The following MIA2 variants were observed in gnomAD, a reference collection of about 807,000 sequenced individuals.
MIA2 encodes the protein MIA SH3 domain ER export factor 2, also known as melanoma inhibitory activity protein 2.
A neutral mutation model predicts 167.8 loss-of-function variants in MIA2; 127 were observed. The observed-to-expected ratio is 0.76, with a 90% CI of 0.66 to 0.88. The LOEUF (loss-of-function observed/expected upper bound fraction) is 0.88. MIA2 is among the 40% of genes least tolerant of loss of function. The pLI is 0.00. For synonymous variants in MIA2, 552 were observed against 541.9 expected (o/e 1.02, Z -0.26); for missense variants, 1,690 against 1,624.7 (o/e 1.04, Z -0.69).
chr14:39,333,070 T>A (rs2069316444), intron 25 of MIA2, among the ~76,000 whole-genome samples: 2 of 150,696 alleles, frequency 1.3e-5, no homozygotes, highest in Non-Finnish European at 2.9e-5. Flanking sequence ...ATTATAAGCA[T>A]TTTTTTTAAA....
chr14:39,356,879 T>A (rs2074542158), intron 23 of MIA2, among the ~76,000 whole-genome samples: 1 of 152,250 alleles, frequency 6.6e-6, no homozygotes, highest in Non-Finnish European at 1.5e-5. Context: ...AGTTTCTTAA[T>A]CCTGAGTTCT....
At chr14:39,288,481 T>TTG (rs1335914530) in intron 9 of MIA2, among the ~76,000 whole-genome samples, 9 of 72,104 alleles carry the variant, frequency 1.2e-4, no homozygotes, top group African/African-American at 2.8e-4. Context: ...ATATATTTTT[T>TTG]TTTTTTTTTT....
rs545497417 is a variant in MIA2 at position 39,288,104 on chromosome 14, C to T, written c.2131-2915C>T. The stretch of plus-strand genomic sequence containing the variant: ...CTTCCCAAAGTGTTGGGATTACAGG[C>T]GTGAGCCACCACACCTGGCCAGAAC... On this transcript the variant is annotated intron_variant, in intron 9 of 28. Coordinates refer to ENST00000640607, the MANE Select transcript of MIA2 (RefSeq NM_001329214.4). Among the ~76,000 whole-genome samples, 343 of 152,142 alleles carry T rather than the reference C, an allele frequency of 2.3e-3. 2 individuals carry two copies. Among genetic ancestry groups the T allele is most frequent in the Middle Eastern group, 3.4e-3 (1 of 294 alleles).
chr14:39,351,483 G>T (rs2074379157), downstream of MIA2: 1 of 152,058 alleles, frequency 6.6e-6, no homozygotes, highest in South Asian at 2.1e-4. Context: ...ATTACATTTA[G>T]TGCTTACCGT....
At chr14:39,365,777 C>T (rs1399540772) in intron 23 of MIA2, among the ~76,000 whole-genome samples, 4 of 151,986 alleles carry the variant, frequency 2.6e-5, no homozygotes, top group Non-Finnish European at 5.9e-5. Flanking sequence ...TCTCACTGAG[C>T]TTTAATAACA....
Position 39,350,133 on chromosome 14 carries a change from T to G in MIA2, c.4108T>G (p.Tyr1370Asp), listed in dbSNP as rs757481451. ...CTATCCACCGAGGGGTTTTCCTCCT[T>G]ACCTTCCCCCAAGACCTGGATTTTT... ...NVYPPRGFPP[Y>D]LPPRPGFFPP... The change falls in exon 29 of 29, where the codon TAC becomes GAC. Residue 1370 changes from tyrosine to aspartate, a missense_variant. Tyr to Asp is a radical substitution (Grantham distance 160, BLOSUM62 -3). Transcript: ENST00000640607. 3 of 1,384,368 alleles carry G rather than the reference T, an allele frequency of 2.2e-6. No homozygotes were observed. The East Asian group carries it at 8.0e-5, about 37-fold the overall frequency. The allele number at this position is 1,384,368 out of a possible 1,614,324, so 85.8% of individuals were successfully genotyped here. A position where few individuals can be genotyped will look rare whatever the true frequency, so the allele number is the denominator to read the frequency against.
chr14:39,347,818 C>CTTTT lies in MIA2; in HGVS notation c.3837+67_3837+70dup, dbSNP rs59832680. ...TTGTATGCATGTATTCAGAAGCCTT[C>CTTTT]TTTTTTTTTTTTTTTTTTTTTTTAT... On this transcript the variant is annotated intron_variant, in intron 27 of 28. Coordinates refer to ENST00000640607, the MANE Select transcript of MIA2 (RefSeq NM_001329214.4). The CTTTT allele has an allele frequency of 4.4e-3, 3,112 of 703,624 alleles. 3 individuals are homozygous for CTTTT. The highest frequency in any genetic ancestry group is 1.0e-2 in the South Asian group (459 of 46,026). The allele number at this position is 703,624 out of a possible 1,614,324, so 43.6% of individuals were successfully genotyped here. A position where few individuals can be genotyped will look rare whatever the true frequency, so the allele number is the denominator to read the frequency against.
chr14:39,297,702 T>G (rs562438406), intron 13 of MIA2, among the ~76,000 whole-genome samples: 1 of 152,090 alleles, frequency 6.6e-6, no homozygotes, highest in South Asian at 2.1e-4. Context: ...TGTGTGTTTG[T>G]GTGTGTGAAA....
chr14:39,368,018 C>T (rs1299349188), intron 23 of MIA2, among the ~76,000 whole-genome samples: 1 of 151,946 alleles, frequency 6.6e-6, no homozygotes, highest in Admixed American at 6.6e-5. Context: ...GATTTTTTTC[C>T]TATGGAAACT....
At chr14:39,279,864 A>G (rs748832883) in intron 9 of MIA2, among the ~76,000 whole-genome samples, 2 of 152,090 alleles carry the variant, frequency 1.3e-5, no homozygotes, top group Non-Finnish European at 2.9e-5. Context: ...GTCAGATTGG[A>G]TTAGGGCCCA....
At chr14:39,386,887 G>A (rs553624295) in exon 24 of MIA2, 11 of 814,402 alleles carry the variant, frequency 1.4e-5, no homozygotes, top group African/African-American at 6.8e-5. Flanking sequence ...CTCACCAGGC[G>A]CACGCTCTCC....
At position 39,248,061 on chromosome 14, in the gene MIA2, A is replaced by G. The variant is rs149735010; in HGVS notation, c.1487A>G (p.Glu496Gly). ...CAAAATAATGTAATTGAAAATGAAG[A>G]AACTGGAGAATTTTCCATTGATAAT... The part of the protein sequence containing the change: ...LDQNNVIENE[E>G]TGEFSIDNYP... The change falls in exon 4 of 29, where the codon GAA (glutamate) becomes GGA (glycine). Residue 496 changes from glutamate to glycine, a missense_variant. Coordinates refer to ENST00000640607, the MANE Select transcript of MIA2 (RefSeq NM_001329214.4). 3,169 of 1,565,840 alleles carry G rather than the reference A, an allele frequency of 2.0e-3. 4 individuals are homozygous for G. The highest frequency in any genetic ancestry group is 2.6e-3 in the Non-Finnish European group (3,010 of 1,164,744).
downstream of MIA2, among the ~76,000 whole-genome samples, chr14:39,352,838 C>T (rs2074425422): frequency 6.6e-6 from 1 of 152,092 alleles, no homozygotes. Context: ...AGCTAGTTAA[C>T]ATATATTTTA....
chr14:39,276,935 T>C lies in MIA2; in HGVS notation c.1889T>C (p.Val630Ala). ...AACTTACTTTTCTTTATCTTGAAGG[T>C]TGTGGCAGCACTGCCTGAAGGTATG... The part of the protein sequence containing the change: ...FSPIVILTER[V>A]VAALPEGMRP... Residue 630 changes from valine to alanine, a missense_variant and splice_region_variant, in exon 7 of 29, where the codon GTT becomes GCT. Physicochemically the swap from Val to Ala is moderately conservative, Grantham distance 64. Coordinates refer to ENST00000640607, the MANE Select transcript of MIA2 (RefSeq NM_001329214.4). 1 of 1,609,102 alleles carries C rather than the reference T, an allele frequency of 6.2e-7. No homozygotes were observed. The highest frequency in any genetic ancestry group is 8.5e-7 in the Non-Finnish European group (1 of 1,179,006).
At chr14:39,300,539 C>T (rs536217085) in intron 14 of MIA2, among the ~76,000 whole-genome samples, 8 of 151,012 alleles carry the variant, frequency 5.3e-5, no homozygotes, top group African/African-American at 1.5e-4. Context: ...GTAAAACTAA[C>T]GTTCTATAAT....
chr14:39,386,153 G>C lies in MIA2; in HGVS notation c.2249-732G>C, dbSNP rs1032433035. Reference sequence around the variant, plus strand: ...GACTCTGAACTAGAGTCTGAAATAGGAAGATGTTGTTCCAGAGGTCTTGCC... The same window carrying C: ...GACTCTGAACTAGAGTCTGAAATAGCAAGATGTTGTTCCAGAGGTCTTGCC... On this transcript the variant is annotated intron_variant, in intron 23 of 23. Coordinates refer to the MIA2 transcript ENST00000341502. 5 of 1,346,246 alleles carry C rather than the reference G, an allele frequency of 3.7e-6. No homozygotes were observed. In the African/African-American group the frequency reaches 5.8e-5, roughly 16 times the overall value. 83.4% of individuals were successfully genotyped at this position (1,346,246 alleles called of 1,614,324 possible).
At chr14:39,265,546 C>A in intron 6 of MIA2, 1 of 689,182 alleles carries the variant, frequency 1.5e-6, no homozygotes, top group Non-Finnish European at 2.4e-6. Flanking sequence ...TTCATTTTAT[C>A]CTCTGTCCTT....
chr14:39,385,896 G>T (rs2075265798), intron 23 of MIA2: 2 of 904,106 alleles, frequency 2.2e-6, no homozygotes, highest in African/African-American at 3.3e-5. Context: ...AAGAAAAAAG[G>T]TTATCTCCTC....
intron 9 of MIA2, among the ~76,000 whole-genome samples, chr14:39,282,871 C>T (rs1430350105): frequency 6.6e-6 from 1 of 152,210 alleles, no homozygotes; most frequent in African/African-American, 2.4e-5. Flanking sequence ...CCATACCCGG[C>T]CATATTTTCT....
Sources: allele counts gnomAD v4.1 joint callset (sites outside exome capture counted in the v4.1 genomes callset), GRCh38; gene constraint gnomAD v4.1.1; transcripts MANE v1.5; gene names NCBI Gene and HGNC (gene_info 2026-07-23, HGNC 2026-07-21).